SNTG1: variants seen among roughly 807,000 people sequenced by gnomAD.
SNTG1 encodes the protein syntrophin gamma 1, also known as gamma-1-syntrophin.
A neutral mutation model predicts 74.7 loss-of-function variants in SNTG1; 39 were observed. The ratio of observed to expected loss-of-function variants is 0.52; its 90% CI spans 0.40 to 0.68. The LOEUF is 0.68. Among genes scored for constraint, SNTG1 ranks in the 30% least tolerant of loss-of-function variants. The pLI, the probability that SNTG1 is intolerant of heterozygous loss-of-function variation, is 0.00. For synonymous variants in SNTG1, 254 were observed against 217.1 expected (o/e 1.17, Z -1.49); for missense variants, 685 against 609.5 (o/e 1.12, Z -1.30).
chr8:50,619,732 A>AG (rs2094909164), intron 13 of SNTG1, among the ~76,000 whole-genome samples: 1 of 106,564 alleles, frequency 9.4e-6, no homozygotes, highest in Non-Finnish European at 1.7e-5. Context: ...CTCCGTCTCG[A>AG]AAAAAAAAAA....
intron 2 of SNTG1, among the ~76,000 whole-genome samples, chr8:50,363,970 A>C (rs1410480692): frequency 2.0e-5 from 3 of 152,174 alleles, no homozygotes; most frequent in Admixed American, 6.5e-5. Flanking sequence ...TCAGGCATGG[A>C]GGAAGGGGTT....
rs557679591 is a variant in SNTG1 at position 49,932,809 on chromosome 8, A to G, written c.-103+20578A>G. On this transcript the variant is annotated intron_variant, in intron 1 of 18. Coordinates refer to ENST00000642720, the MANE Select transcript of SNTG1 (RefSeq NM_018967.5). The stretch of plus-strand genomic sequence containing the variant: ...CTCCCAGACCTTGGCAACCACTAAT[A>G]TATTTTCCATCCCTATGGACTTTCC... Among the ~76,000 whole-genome samples the G allele has an allele frequency of 6.6e-5, 10 of 151,530 alleles. No homozygotes were observed. In the South Asian group the frequency reaches 2.1e-3, roughly 31 times the overall value.
chr8:49,922,571 TG>T (rs1489208156), intron 1 of SNTG1, among the ~76,000 whole-genome samples: 1 of 151,902 alleles, frequency 6.6e-6, no homozygotes, highest in African/African-American at 2.4e-5. Context: ...TTTATCACTG[TG>T]GAGAAGGGAG....
intron 1 of SNTG1, among the ~76,000 whole-genome samples, chr8:50,115,576 A>AACAACAAAAAAAAAAAAAAAC (rs2080785415): frequency 1.2e-5 from 1 of 82,800 alleles, no homozygotes; most frequent in Non-Finnish European, 2.7e-5. Context: ...TCAAAAAAAA[A>AACAACAAAAAAAAAAAAAAAC]AAAAAAAAAA....
At chr8:50,443,159 T>A (rs1049400806) in intron 5 of SNTG1, among the ~76,000 whole-genome samples, 2 of 152,198 alleles carry the variant, frequency 1.3e-5, no homozygotes, top group Non-Finnish European at 2.9e-5. Context: ...ATAGGGATAG[T>A]CATGTTAAAG....
At chr8:50,150,341 A>G (rs1291301176) in intron 1 of SNTG1, among the ~76,000 whole-genome samples, 1 of 152,212 alleles carries the variant, frequency 6.6e-6, no homozygotes, top group Non-Finnish European at 1.5e-5. Flanking sequence ...ATCTGCAAAC[A>G]GGGACAATTT....
chr8:50,206,890 C>T (rs1371366635), intron 2 of SNTG1, among the ~76,000 whole-genome samples: 1 of 152,086 alleles, frequency 6.6e-6, no homozygotes, highest in African/African-American at 2.4e-5. Context: ...ATATGTTGAA[C>T]CAGACTTTCA....
At chr8:50,256,995 G>A (rs1430805562) in intron 2 of SNTG1, among the ~76,000 whole-genome samples, 1 of 152,046 alleles carries the variant, frequency 6.6e-6, no homozygotes, top group Non-Finnish European at 1.5e-5. Context: ...GGCCAAGAAG[G>A]CATGGCTTTG....
chr8:50,317,118 T>TTG (rs2090346227), intron 2 of SNTG1, among the ~76,000 whole-genome samples: 1 of 152,068 alleles, frequency 6.6e-6, no homozygotes, highest in African/African-American at 2.4e-5. Context: ...GTAGATTCCT[T>TTG]AGGGGGATTA....
At chr8:50,363,769 T>C (rs16914775) in intron 2 of SNTG1, among the ~76,000 whole-genome samples, 9,051 of 152,270 alleles carry the variant, frequency 0.059, 311 homozygotes, top group Non-Finnish European at 0.071. Flanking sequence ...TAAACTCAAC[T>C]GTCTCTGGAT....
At chr8:50,432,801 C>A (rs1234774634) in intron 4 of SNTG1, among the ~76,000 whole-genome samples, 2 of 149,370 alleles carry the variant, frequency 1.3e-5, no homozygotes, top group African/African-American at 4.9e-5. Context: ...TTTATTTATT[C>A]ATTTTTTTGA....
intron 15 of SNTG1, among the ~76,000 whole-genome samples, chr8:50,665,579 G>A (rs2095246959): frequency 6.6e-6 from 1 of 152,084 alleles, no homozygotes; most frequent in East Asian, 1.9e-4. Flanking sequence ...GTAGAGAAAT[G>A]TTTGATGGCT....
At chr8:50,588,682 A>G (rs2130862870) in intron 12 of SNTG1, among the ~76,000 whole-genome samples, 1 of 152,296 alleles carries the variant, frequency 6.6e-6, no homozygotes, top group African/African-American at 2.4e-5. Context: ...CTGGGATAAC[A>G]TAAATTGTTC....
chr8:50,057,356 G>C (rs1474256124), intron 1 of SNTG1, among the ~76,000 whole-genome samples: 2 of 152,098 alleles, frequency 1.3e-5, no homozygotes, highest in Admixed American at 1.3e-4. Context: ...TACCTTATCG[G>C]GAGCAATGCC....
At chr8:49,966,124 A>C (rs948202460) in intron 1 of SNTG1, among the ~76,000 whole-genome samples, 1 of 152,072 alleles carries the variant, frequency 6.6e-6, no homozygotes, top group Non-Finnish European at 1.5e-5. Flanking sequence ...CTCTTGGACT[A>C]TTTTTCTTGT....
At chr8:50,374,358 G>A (rs1314943631) in intron 2 of SNTG1, among the ~76,000 whole-genome samples, 1 of 152,184 alleles carries the variant, frequency 6.6e-6, no homozygotes, top group African/African-American at 2.4e-5. Context: ...AGTAAATTCT[G>A]TTTAATAAAA....
At chr8:49,962,799 G>A (rs537065923) in intron 1 of SNTG1, among the ~76,000 whole-genome samples, 1 of 152,122 alleles carries the variant, frequency 6.6e-6, no homozygotes, top group Admixed American at 6.6e-5. Context: ...CACCATGCTG[G>A]CCAGGCTGGT....
chr8:50,516,693 C>T (rs7821364), intron 9 of SNTG1, among the ~76,000 whole-genome samples: 5,518 of 151,954 alleles, frequency 0.036, 345 homozygotes, highest in African/African-American at 0.13. Flanking sequence ...GAAAGGATAT[C>T]AGAGATTGAA....
intron 1 of SNTG1, among the ~76,000 whole-genome samples, chr8:50,021,953 A>C (rs946916488): frequency 2.1e-5 from 3 of 144,820 alleles, no homozygotes; most frequent in African/African-American, 7.5e-5. Flanking sequence ...AAAAAATAAA[A>C]ATAAAAATAA....
Sources: gnomAD v4.1 joint callset for allele counts (sites outside exome capture counted in the v4.1 genomes callset) on GRCh38, gnomAD v4.1.1 for gene constraint, MANE v1.5 for transcripts, NCBI Gene and HGNC (gene_info 2026-07-23, HGNC 2026-07-21) for gene names.